Variants in FBXL2 observed in about 807,000 individuals in gnomAD.
FBXL2 encodes the protein F-box and leucine rich repeat protein 2.
A neutral mutation model predicts 69.2 loss-of-function variants in FBXL2; 38 were observed. The observed-to-expected ratio is 0.55, with a 90% confidence interval of 0.42 to 0.72. The LOEUF is 0.72. Ranked by LOEUF, FBXL2 falls within the 30% of genes least tolerant of loss-of-function variation. FBXL2 has a pLI of 0.00. For synonymous variants in FBXL2, 192 were observed against 201.3 expected (o/e 0.95, Z 0.39); for missense variants, 354 against 520.3 (o/e 0.68, Z 3.11).
the FBXL2 span, among the ~76,000 whole-genome samples, chr3:33,418,119 C>T: frequency 6.6e-6 from 1 of 151,930 alleles, no homozygotes; most frequent in Non-Finnish European, 1.5e-5. Flanking sequence ...AAATAATTTT[C>T]AAAATGAAGA....
At chr3:33,284,640 G>T (rs535613966) in intron 1 of FBXL2, among the ~76,000 whole-genome samples, 2 of 152,296 alleles carry the variant, frequency 1.3e-5, no homozygotes, top group East Asian at 3.9e-4. Context: ...AATGTTGACA[G>T]TGGGGTGTTA....
In FBXL2 at chr3:33,373,575, C is replaced by T. The variant is rs190980459; in HGVS notation, c.456-3C>T. ...CATAAGTTTTTGTTTCTTGTTCTCT[C>T]AGTGAGGGCTGCCGAAACCTGGAGT... On this transcript the variant is annotated splice_polypyrimidine_tract_variant and splice_region_variant and intron_variant, in intron 7 of 14. Transcript: ENST00000484457. The T allele has an allele frequency of 1.2e-6, 2 of 1,614,010 alleles. No individual in the cohort carries two copies. Among genetic ancestry groups the T allele is most frequent in the Non-Finnish European group, 1.7e-6 (2 of 1,180,050 alleles).
At chr3:33,395,762 A>AAAAG (rs2043960015) in intron 12 of FBXL2, among the ~76,000 whole-genome samples, 1 of 151,060 alleles carries the variant, frequency 6.6e-6, no homozygotes, top group African/African-American at 2.4e-5. Context: ...AAAAAAAAAA[A>AAAAG]AAAAAAAAAA....
chr3:33,305,105 T>C (rs1390763201), intron 2 of FBXL2, among the ~76,000 whole-genome samples: 2 of 152,008 alleles, frequency 1.3e-5, no homozygotes, highest in Non-Finnish European at 2.9e-5. Context: ...CTAAGGCATT[T>C]TTTAATGAAT....
chr3:33,364,725 T>A lies in FBXL2; in HGVS notation c.290+6T>A. ...GTTGGGGATTCCTCCTTGAAGTAAGTCAAATCCAGTGACTCACTGTCATGG... is the reference window on the plus strand; with the variant it reads ...GTTGGGGATTCCTCCTTGAAGTAAGACAAATCCAGTGACTCACTGTCATGG... On this transcript the variant is annotated splice_donor_region_variant and intron_variant, in intron 5 of 14. Coordinates refer to ENST00000484457, the MANE Select transcript of FBXL2 (RefSeq NM_012157.5). The A allele has an allele frequency of 6.2e-7, 1 of 1,610,858 alleles. No individual in the cohort carries two copies. Among genetic ancestry groups the A allele is most frequent in the Non-Finnish European group, 8.5e-7 (1 of 1,177,088 alleles).
intron 1 of FBXL2, 131 bp downstream of exon 1, chr3:33,277,646 G>T (rs1468379922): frequency 5.0e-6 from 5 of 998,946 alleles, no homozygotes; most frequent in Non-Finnish European, 6.5e-6. Flanking sequence ...GGCCTGCGAG[G>T]CTGCTGGGCA....
chr3:33,355,511 G>A (rs146066204), intron 2 of FBXL2, among the ~76,000 whole-genome samples: 1 of 152,236 alleles, frequency 6.6e-6, no homozygotes, highest in Admixed American at 6.5e-5. Flanking sequence ...AGGAAATTCC[G>A]AGGATCAAGA....
At chr3:33,329,586 T>TA (rs965096283) in intron 2 of FBXL2, among the ~76,000 whole-genome samples, 3 of 152,180 alleles carry the variant, frequency 2.0e-5, no homozygotes, top group African/African-American at 7.2e-5. Context: ...TATTTAGCCA[T>TA]AAAAAATTGA....
chr3:33,332,649 T>C (rs1054418624), intron 2 of FBXL2, among the ~76,000 whole-genome samples: 1 of 152,232 alleles, frequency 6.6e-6, no homozygotes, highest in African/African-American at 2.4e-5. Flanking sequence ...CAGAGTGCAC[T>C]TATTCAGAGC....
At chr3:33,319,400 T>G (rs1030698204) in intron 2 of FBXL2, among the ~76,000 whole-genome samples, 2 of 152,232 alleles carry the variant, frequency 1.3e-5, no homozygotes, top group African/African-American at 4.8e-5. Flanking sequence ...GTAATATACA[T>G]GAAGTATCTA....
intron 2 of FBXL2, among the ~76,000 whole-genome samples, chr3:33,329,252 A>G (rs1473886492): frequency 6.6e-6 from 1 of 152,194 alleles, no homozygotes; most frequent in Non-Finnish European, 1.5e-5. Context: ...TTTATCAAAA[A>G]GATGATGGAG....
chr3:33,295,077 TG>T (rs1313295188), intron 1 of FBXL2, among the ~76,000 whole-genome samples: 2 of 152,092 alleles, frequency 1.3e-5, no homozygotes, highest in Admixed American at 6.5e-5. Flanking sequence ...TTTGGTGGAT[TG>T]TTTTTTTAAT....
At chr3:33,322,062 T>G (rs2038269266) in intron 2 of FBXL2, among the ~76,000 whole-genome samples, 1 of 131,330 alleles carries the variant, frequency 7.6e-6, no homozygotes. Flanking sequence ...GGTGACTAGG[T>G]GATTTTTTTT....
chr3:33,362,493 T>C (rs200093084), intron 4 of FBXL2, among the ~76,000 whole-genome samples: 3 of 128,632 alleles, frequency 2.3e-5, no homozygotes, highest in Non-Finnish European at 5.4e-5. Flanking sequence ...ATTTTCCCCC[T>C]CTTAGTTGGA....
intron 2 of FBXL2, among the ~76,000 whole-genome samples, chr3:33,342,507 T>G (rs2040109430): frequency 6.6e-6 from 1 of 151,636 alleles, no homozygotes; most frequent in South Asian, 2.1e-4. Flanking sequence ...CTGATAATGT[T>G]AGCATTTGTT....
chr3:33,382,265 A>G (rs1268130468), intron 13 of FBXL2, among the ~76,000 whole-genome samples: 2 of 152,156 alleles, frequency 1.3e-5, no homozygotes, highest in East Asian at 3.8e-4. Flanking sequence ...ACTTTACTGA[A>G]GTAAAATATA....
intron 2 of FBXL2, among the ~76,000 whole-genome samples, chr3:33,317,218 A>AC (rs2037782495): frequency 6.6e-6 from 1 of 151,092 alleles, no homozygotes; most frequent in Non-Finnish European, 1.5e-5. Flanking sequence ...ATTTTTCATC[A>AC]CCCCCCAAAG....
intron 5 of FBXL2, among the ~76,000 whole-genome samples, chr3:33,367,476 T>C (rs1233029563): frequency 6.6e-6 from 1 of 152,236 alleles, no homozygotes; most frequent in African/African-American, 2.4e-5. Flanking sequence ...CAATTTCACC[T>C]AAGTTCCTGG....
intron 2 of FBXL2, among the ~76,000 whole-genome samples, chr3:33,308,356 GTTA>G (rs1223062922): frequency 3.9e-5 from 6 of 152,080 alleles, no homozygotes; most frequent in Non-Finnish European, 8.8e-5. Context: ...TATTGGACTG[GTTA>G]TTATTTCTAG....
Sources: allele counts gnomAD v4.1 joint callset (sites outside exome capture counted in the v4.1 genomes callset), GRCh38; gene constraint gnomAD v4.1.1; transcripts MANE v1.5; gene names NCBI Gene and HGNC (gene_info 2026-07-23, HGNC 2026-07-21).